The following UNC13B variants were observed in gnomAD, a reference collection of about 807,000 sequenced individuals.
The protein encoded by UNC13B is protein unc-13 homolog B.
Under a neutral mutation model 211.0 loss-of-function variants are expected in UNC13B, and 144 were observed. The observed-to-expected ratio is 0.68, with a 90% CI of 0.60 to 0.78. UNC13B has a LOEUF of 0.78. UNC13B is among the 30% of genes least tolerant of loss of function. The pLI is 0.00. For synonymous variants in UNC13B, 709 were observed against 725.8 expected, an observed-to-expected ratio of 0.98 and a Z score of 0.37; for missense variants, 1,777 against 2,002.0, an observed-to-expected ratio of 0.89 and a Z score of 2.14.
At position 35,396,469 on chromosome 9, in the gene UNC13B, C is replaced by T. The variant is rs1018944566; in HGVS notation, c.11309-7C>T. On this transcript the variant is annotated splice_region_variant and splice_polypyrimidine_tract_variant and intron_variant, in intron 26 of 39. Transcript: ENST00000635942. ...GGACCTGACCCAACCTTTCTCCCTACCACTAGAGCATGAGAAAGACCACCT... is the reference window on the plus strand; with the variant it reads ...GGACCTGACCCAACCTTTCTCCCTATCACTAGAGCATGAGAAAGACCACCT... 1.2e-6 allele frequency: 2 copies of T among 1,613,932 alleles called. No homozygotes were observed. The highest frequency in any genetic ancestry group is 2.7e-5 in the African/African-American group (2 of 74,916).
At position 35,236,547 on chromosome 9, in the gene UNC13B, T is replaced by C; in HGVS notation, c.231T>C (p.Thr77=). ...KGLIWDTMVG[T]VWIALKTIRQ... ...TGATCTGGGACACCATGGTGGGGAC[T>C]GTGTGGATTGCGCTGAAGACTATTC... The change falls in exon 4 of 40, where the codon ACT becomes ACC. Residue 77 remains threonine, a synonymous_variant. Transcript: ENST00000635942. 3 of 1,614,146 alleles carry C rather than the reference T, an allele frequency of 1.9e-6. No homozygotes were observed. Among genetic ancestry groups the C allele is most frequent in the Non-Finnish European group, 2.5e-6 (3 of 1,179,994 alleles).
chr9:35,398,373 G>C, intron 31 of UNC13B, 85 bp downstream of exon 31: 1 of 1,485,536 alleles, frequency 6.7e-7, no homozygotes, highest in South Asian at 1.2e-5. Context: ...TCTTAACTAG[G>C]TGTAGGCCAG....
chr9:35,250,791 T>G (rs1328936491), intron 6 of UNC13B, among the ~76,000 whole-genome samples: 1 of 152,134 alleles, frequency 6.6e-6, no homozygotes, highest in East Asian at 1.9e-4. Context: ...TATAAGGGTT[T>G]CAATTTCTTC....
At chr9:35,256,832 G>T (rs542252416) in intron 6 of UNC13B, among the ~76,000 whole-genome samples, 147 of 152,188 alleles carry the variant, frequency 9.7e-4, no homozygotes, top group African/African-American at 3.4e-3. Context: ...ATTCATAAAT[G>T]AAATTGGCCT....
intron 6 of UNC13B, among the ~76,000 whole-genome samples, chr9:35,253,938 T>C (rs1463077099): frequency 6.6e-6 from 1 of 152,242 alleles, no homozygotes. Flanking sequence ...TTTCACTGTT[T>C]CCTTACTGAT....
At chr9:35,337,037 C>G (rs1440803592) in intron 11 of UNC13B, among the ~76,000 whole-genome samples, 1 of 151,826 alleles carries the variant, frequency 6.6e-6, no homozygotes, top group African/African-American at 2.4e-5. Flanking sequence ...AAGCCAAATT[C>G]CTCTAGACAT....
chr9:35,276,194 T>C (rs1331168093), intron 7 of UNC13B, among the ~76,000 whole-genome samples: 1 of 150,118 alleles, frequency 6.7e-6, no homozygotes, highest in East Asian at 2.0e-4. Flanking sequence ...TAGTCCCAGC[T>C]ACATGGGAGG....
Position 35,403,791 on chromosome 9 carries a change from A to G in UNC13B, c.12781A>G (p.Ile4261Val). Residue 4261 changes from isoleucine (I) to valine (V), a missense_variant, in exon 40 of 40, where the codon ATA becomes GTA. Transcript: ENST00000635942. ...EEGPESYELQ[I>V]CVKDYCFARE... The stretch of plus-strand genomic sequence containing the variant: ...GGGGCCCGAGTCCTATGAGTTGCAG[A>G]TATGCGTGAAGGATTACTGCTTTGC... 6 of 1,614,094 alleles carry G rather than the reference A, an allele frequency of 3.7e-6. No individual in the cohort carries two copies. The highest frequency in any genetic ancestry group is 4.2e-6 in the Non-Finnish European group (5 of 1,180,022).
rs7867981 is a variant in UNC13B, at chr9:35,183,297, C to A, written c.22+20992C>A. On this transcript the variant is annotated intron_variant, in intron 1 of 39. Transcript: ENST00000635942. Reference sequence around the variant, plus strand: ...CCCAGGCGGGGTGGCCGGGCAGAGGCGCCCCTCACCTCCCAGGCGGGGCAG... The same window carrying A: ...CCCAGGCGGGGTGGCCGGGCAGAGGAGCCCCTCACCTCCCAGGCGGGGCAG... Among the ~76,000 whole-genome samples the A allele has an allele frequency of 1.5e-4, 15 of 98,052 alleles. 5 individuals are homozygous for A. The South Asian group carries it at 3.3e-3, about 22-fold the overall frequency. The allele number at this position is 98,052 out of a possible 152,430, so 64.3% of individuals were successfully genotyped here. A position where few individuals can be genotyped will look rare whatever the true frequency, so the allele number is the denominator to read the frequency against.
intron 1 of UNC13B, 49 bp from the exon 2 acceptor site, chr9:35,227,966 A>G (rs774088099): frequency 1.3e-6 from 2 of 1,574,692 alleles, no homozygotes; most frequent in Admixed American, 3.4e-5. Context: ...TGCTTAAGTA[A>G]AATGAACTTG....
chr9:35,390,036 T>G, intron 25 of UNC13B, 63 bp downstream of exon 25: 1 of 1,597,914 alleles, frequency 6.3e-7, no homozygotes, highest in Non-Finnish European at 8.6e-7. Flanking sequence ...TCTAACAACC[T>G]CTTTCTTTCC....
Position 35,303,605 on chromosome 9 carries a change from A to C in UNC13B, c.4201A>C (p.Asn1401His), listed in dbSNP as rs1420845703. The change falls in exon 9 of 40, where the codon AAT (asparagine) becomes CAT (histidine). Residue 1401 changes from asparagine (N) to histidine (H), a missense_variant. By Grantham distance (68) the Asn-to-His change is moderately conservative. Coordinates refer to ENST00000635942, the MANE Select transcript of UNC13B (RefSeq NM_001371189.2). ...LWLDSENSVINFCQKDQNANI... is the reference protein window; with the variant it reads ...LWLDSENSVIHFCQKDQNANI... ...GCTTGACTCAGAAAACTCAGTGATA[A>C]ATTTTTGCCAAAAAGATCAAAATGC... 2.5e-6 allele frequency: 1 copy of C among 398,666 alleles called. No individual in the cohort carries two copies. The highest frequency in any genetic ancestry group is 4.4e-6 in the Non-Finnish European group (1 of 225,862). 24.7% of individuals were successfully genotyped at this position (398,666 alleles called of 1,614,324 possible). A position where few individuals can be genotyped will look rare whatever the true frequency, so the allele number is the denominator to read the frequency against.
intron 22 of UNC13B, chr9:35,384,640 T>C (rs1417503301): frequency 2.0e-6 from 2 of 985,340 alleles, no homozygotes; most frequent in Non-Finnish European, 2.4e-6. Context: ...TTTAAAAAAT[T>C]AGATACCTAA....
chr9:35,202,951 C>T (rs1823402672), intron 1 of UNC13B, among the ~76,000 whole-genome samples: 1 of 151,978 alleles, frequency 6.6e-6, no homozygotes, highest in Non-Finnish European at 1.5e-5. Context: ...TGCCAACGTG[C>T]CCGGCTAATT....
chr9:35,314,493 T>C (rs1402359076), intron 11 of UNC13B, among the ~76,000 whole-genome samples: 2 of 152,196 alleles, frequency 1.3e-5, no homozygotes, highest in Admixed American at 6.5e-5. Context: ...TGTTACAAGT[T>C]TGAAGTGTCT....
intron 26 of UNC13B, among the ~76,000 whole-genome samples, chr9:35,392,681 T>C (rs1427238414): frequency 6.6e-6 from 1 of 151,206 alleles, no homozygotes; most frequent in Non-Finnish European, 1.5e-5. Flanking sequence ...TTGGGAGATA[T>C]ACCTAATGCT....
intron 11 of UNC13B, among the ~76,000 whole-genome samples, chr9:35,349,004 G>C (rs1832545633): frequency 6.6e-6 from 1 of 151,904 alleles, no homozygotes; most frequent in Non-Finnish European, 1.5e-5. Context: ...CGCAACCTCT[G>C]CCTCCTGGGT....
chr9:35,169,881 T>G (rs1821242259), intron 1 of UNC13B, among the ~76,000 whole-genome samples: 1 of 152,240 alleles, frequency 6.6e-6, no homozygotes, highest in East Asian at 1.9e-4. Flanking sequence ...TTTCAGACTT[T>G]GAGTTTGTTT....
In UNC13B at chr9:35,403,365, A is replaced by G. The variant is rs1340066160; in HGVS notation, c.12578-75A>G. 2.5e-6 allele frequency: 4 copies of G among 1,602,732 alleles called. No homozygotes were observed. The Admixed American group carries it at 5.0e-5, about 20-fold the overall frequency. Reference sequence around the variant, plus strand: ...AGCCCTCCAGCTCAGCCCTCCTCCAAGGGGAAGGTCACCTGGGGTTCAAGA... The same window carrying G: ...AGCCCTCCAGCTCAGCCCTCCTCCAGGGGGAAGGTCACCTGGGGTTCAAGA... On this transcript the variant is annotated intron_variant, in intron 38 of 39. Transcript: ENST00000635942.
Sources: gnomAD v4.1 joint callset for allele counts (sites outside exome capture counted in the v4.1 genomes callset) on GRCh38, gnomAD v4.1.1 for gene constraint, MANE v1.5 for transcripts, NCBI Gene and HGNC (gene_info 2026-07-23, HGNC 2026-07-21) for gene names.